Variants in CYRIB observed in about 807,000 individuals in gnomAD.
The protein encoded by CYRIB is CYFIP related Rac1 interactor B.
Under a neutral mutation model 44.2 loss-of-function variants are expected in CYRIB, and 8 were observed. That is an observed-to-expected ratio of 0.18 (90% confidence interval 0.11 to 0.33). The LOEUF (loss-of-function observed/expected upper bound fraction) is 0.33, where lower values mean the gene tolerates loss of function less well. Among genes scored for constraint, CYRIB ranks in the 10% least tolerant of loss-of-function variants. The pLI is 1.00. For missense variants in CYRIB, 185 were observed against 382.8 expected (o/e 0.48, Z 4.31); for synonymous variants, 131 against 127.2 (o/e 1.03, Z -0.20).
At chr8:129,869,240 G>T (rs1299558235) in intron 4 of CYRIB, among the ~76,000 whole-genome samples, 1 of 151,514 alleles carries the variant, frequency 6.6e-6, no homozygotes, top group African/African-American at 2.4e-5. Flanking sequence ...ACAAAAATTA[G>T]CTGGGCATGG....
chr8:129,940,056 T>G (rs1361058919), upstream of CYRIB: 2 of 152,058 alleles, frequency 1.3e-5, no homozygotes, highest in African/African-American at 2.4e-5. Context: ...CCGGCCTCCT[T>G]AAAGGGGCAG....
At chr8:129,850,598 G>A (rs2042763662) in intron 9 of CYRIB, 3 of 510,826 alleles carry the variant, frequency 5.9e-6, no homozygotes, top group Non-Finnish European at 1.0e-5. Context: ...GTCTGAGTCA[G>A]TCTGAGTGGT....
intron 1 of CYRIB, among the ~76,000 whole-genome samples, chr8:129,914,142 A>C (rs2079521929): frequency 6.6e-6 from 1 of 152,178 alleles, no homozygotes; most frequent in Non-Finnish European, 1.5e-5. Flanking sequence ...CAAATCCATG[A>C]GATACTTTTT....
chr8:129,912,266 T>C (rs2078429371), intron 1 of CYRIB: 1 of 152,146 alleles, frequency 6.6e-6, no homozygotes, highest in East Asian at 1.9e-4. Context: ...GTTGAATTTA[T>C]ACATCCTGCT....
At chr8:129,986,125 T>G (rs181042080) in intron 1 of CYRIB, among the ~76,000 whole-genome samples, 1 of 152,200 alleles carries the variant, frequency 6.6e-6, no homozygotes, top group African/African-American at 2.4e-5. Context: ...AGGTTAAATA[T>G]TCTGGCCATC....
chr8:129,919,772 CA>C (rs1434293466), intron 1 of CYRIB, among the ~76,000 whole-genome samples: 9 of 152,050 alleles, frequency 5.9e-5, no homozygotes, highest in Admixed American at 5.9e-4. Context: ...TTCTCCTATA[CA>C]AAGCATTTTA....
chr8:129,957,165 G>A (rs1286578849), intron 2 of CYRIB, among the ~76,000 whole-genome samples: 2 of 152,218 alleles, frequency 1.3e-5, no homozygotes, highest in Non-Finnish European at 2.9e-5. Flanking sequence ...CATGGCCTAA[G>A]CCTCTGCATT....
At chr8:129,892,542 A>C (rs1253888069) in intron 2 of CYRIB, among the ~76,000 whole-genome samples, 1 of 152,108 alleles carries the variant, frequency 6.6e-6, no homozygotes, top group Non-Finnish European at 1.5e-5. Context: ...CATGCTGTAA[A>C]ATAAATATAT....
chr8:130,013,245 C>G (rs1233812403), intron 1 of CYRIB, among the ~76,000 whole-genome samples: 4 of 152,220 alleles, frequency 2.6e-5, no homozygotes. Context: ...AGGAGCAACA[C>G]ATCCCCGTGA....
intron 1 of CYRIB, among the ~76,000 whole-genome samples, chr8:129,977,414 C>G (rs1423179811): frequency 6.6e-6 from 1 of 152,110 alleles, no homozygotes; most frequent in Middle Eastern, 3.4e-3. Context: ...GACACCCAGC[C>G]AAAAATAATA....
chr8:129,981,745 GA>G (rs1006640159), intron 1 of CYRIB, among the ~76,000 whole-genome samples: 1 of 152,162 alleles, frequency 6.6e-6, no homozygotes, highest in African/African-American at 2.4e-5. Context: ...AGCAGAGCAG[GA>G]CCAGGACCAA....
intron 1 of CYRIB, among the ~76,000 whole-genome samples, chr8:129,908,165 T>C (rs1212644328): frequency 6.6e-6 from 1 of 151,952 alleles, no homozygotes; most frequent in East Asian, 1.9e-4. Flanking sequence ...AATAATATGC[T>C]AAAATATAAA....
At chr8:129,962,144 A>T (rs2095290233) in intron 2 of CYRIB, among the ~76,000 whole-genome samples, 1 of 151,920 alleles carries the variant, frequency 6.6e-6, no homozygotes, top group Admixed American at 6.6e-5. Flanking sequence ...CTACTCGGGG[A>T]GGCTGAGGTG....
intron 2 of CYRIB, among the ~76,000 whole-genome samples, chr8:129,891,445 T>A (rs1202455681): frequency 6.6e-6 from 1 of 152,188 alleles, no homozygotes; most frequent in Non-Finnish European, 1.5e-5. Context: ...ATTAATAAAG[T>A]GATGCTTTGA....
At chr8:129,865,391 A>G (rs925848580) in intron 4 of CYRIB, among the ~76,000 whole-genome samples, 1 of 152,248 alleles carries the variant, frequency 6.6e-6, no homozygotes, top group Admixed American at 6.5e-5. Flanking sequence ...TGGGTTCAGC[A>G]AGTACAAACT....
intron 1 of CYRIB, among the ~76,000 whole-genome samples, chr8:129,995,734 CAT>C (rs1333911342): frequency 6.6e-6 from 1 of 152,214 alleles, no homozygotes; most frequent in Non-Finnish European, 1.5e-5. Flanking sequence ...AACACACACA[CAT>C]ACACACACAC....
At chr8:129,945,173 A>G (rs577795775) in intron 2 of CYRIB, among the ~76,000 whole-genome samples, 1 of 152,360 alleles carries the variant, frequency 6.6e-6, no homozygotes, top group South Asian at 2.1e-4. Flanking sequence ...ATGGAAAAGA[A>G]CCTGTCATCC....
upstream of CYRIB, among the ~76,000 whole-genome samples, chr8:129,941,032 A>AC (rs1335665427): frequency 6.6e-6 from 1 of 152,108 alleles, no homozygotes; most frequent in East Asian, 1.9e-4. Context: ...GGCAGCCCTT[A>AC]CCTTAGCCTT....
intron 1 of CYRIB, chr8:130,004,629 T>C (rs2096992078): frequency 6.6e-6 from 1 of 152,070 alleles, no homozygotes; most frequent in African/African-American, 2.4e-5. Context: ...ATATTGTGCA[T>C]TGTACTTTAT....
Sources: gnomAD v4.1 joint callset for allele counts (sites outside exome capture counted in the v4.1 genomes callset) on GRCh38, gnomAD v4.1.1 for gene constraint, MANE v1.5 for transcripts, NCBI Gene and HGNC (gene_info 2026-07-23, HGNC 2026-07-21) for gene names.